Variants in MBD5 observed in about 807,000 individuals in gnomAD.
MBD5 encodes the protein methyl-CpG binding domain protein 5.
A neutral mutation model predicts 117.3 loss-of-function variants in MBD5; 13 were observed. That is an observed-to-expected ratio of 0.11 (90% CI 0.07 to 0.18). MBD5 has a LOEUF of 0.18. Ranked by LOEUF, MBD5 falls within the 10% of genes least tolerant of loss-of-function variation. MBD5 has a pLI of 1.00. For missense variants in MBD5, 1,879 were observed against 2,093.8 expected, an observed-to-expected ratio of 0.90 and a Z score of 2.00; for synonymous variants, 727 against 766.4, an observed-to-expected ratio of 0.95 and a Z score of 0.85.
chr2:148,482,941 TCCCA>T (rs1172791014), intron 8 of MBD5, among the ~76,000 whole-genome samples, 165 bp from the exon 9 acceptor site: 4 of 152,170 alleles, frequency 2.6e-5, no homozygotes, highest in African/African-American at 9.7e-5. Flanking sequence ...TAAACTTAAG[TCCCA>T]TTAACAGATG....
intron 5 of MBD5, 48 bp downstream of exon 5, chr2:148,458,919 GACTAAGGAGAGA>G: frequency 6.9e-7 from 1 of 1,449,172 alleles, no homozygotes; most frequent in South Asian, 1.1e-5. Flanking sequence ...GTACTCCAAA[GACTAAGGAGAGA>G]ACCAAGCATG....
chr2:148,239,017 T>TACAC (rs200414694), intron 3 of MBD5, among the ~76,000 whole-genome samples: 6 of 96,608 alleles, frequency 6.2e-5, no homozygotes, highest in South Asian at 3.3e-4. Context: ...ATATATATTA[T>TACAC]ATACACACAC....
At chr2:148,252,556 C>T (rs1408352560) in intron 3 of MBD5, among the ~76,000 whole-genome samples, 1 of 152,128 alleles carries the variant, frequency 6.6e-6, no homozygotes, top group African/African-American at 2.4e-5. Context: ...TGGAAAACCT[C>T]TGCAAGTTAG....
chr2:148,358,555 G>C (rs2105286233), intron 4 of MBD5, among the ~76,000 whole-genome samples: 1 of 148,604 alleles, frequency 6.7e-6, no homozygotes, highest in South Asian at 2.1e-4. Flanking sequence ...AAGGCAAGTG[G>C]ATCACTTGAG....
chr2:148,468,610 A>T lies in MBD5; in HGVS notation c.667A>T (p.Ser223Cys). ...CCGTGGCAGCCATGGAGGCCTGCCC[A>T]GCCCAGCGTCATCAGGTTCCCAGAT... is the stretch of plus-strand genomic sequence containing the variant. ...PFRGSHGGLPSPASSGSQIYG... is the reference protein window; with the variant it reads ...PFRGSHGGLPCPASSGSQIYG... The change falls in exon 8 of 14, where the codon AGC (serine) becomes TGC (cysteine). Residue 223 changes from serine (S) to cysteine (C), a missense_variant. By Grantham distance (112) the Ser-to-Cys change is moderately radical. Transcript: ENST00000642680. 1 of 1,613,942 alleles carries T rather than the reference A, an allele frequency of 6.2e-7. No individual in the cohort carries two copies. Among genetic ancestry groups the T allele is most frequent in the Non-Finnish European group, 8.5e-7 (1 of 1,179,892 alleles).
chr2:148,341,536 T>C (rs948661103), intron 3 of MBD5, among the ~76,000 whole-genome samples: 1 of 152,090 alleles, frequency 6.6e-6, no homozygotes, highest in Non-Finnish European at 1.5e-5. Flanking sequence ...GTATATATTT[T>C]ATACTACATT....
At chr2:148,321,942 G>A (rs1395877957) in intron 3 of MBD5, among the ~76,000 whole-genome samples, 1 of 151,986 alleles carries the variant, frequency 6.6e-6, no homozygotes, top group Non-Finnish European at 1.5e-5. Context: ...GCTCTCCAAT[G>A]GGAATTAAAC....
chr2:148,396,547 T>C (rs974120270), intron 4 of MBD5, among the ~76,000 whole-genome samples: 1 of 152,222 alleles, frequency 6.6e-6, no homozygotes, highest in Non-Finnish European at 1.5e-5. Flanking sequence ...TCTCCACTTT[T>C]GTAGATCCGA....
intron 1 of MBD5, chr2:148,071,478 A>C (rs753049856): frequency 1.3e-5 from 2 of 152,074 alleles, no homozygotes; most frequent in Non-Finnish European, 2.9e-5. Flanking sequence ...CCCATTTTTG[A>C]GATGAGAAAA....
At chr2:148,494,699 C>T (rs71413620) in intron 11 of MBD5, among the ~76,000 whole-genome samples, 6,005 of 152,244 alleles carry the variant, frequency 0.039, 151 homozygotes, top group African/African-American at 0.06. Flanking sequence ...CGGTGGCTCA[C>T]GCCTGTAATC....
intron 2 of MBD5, among the ~76,000 whole-genome samples, chr2:148,184,778 T>C (rs1698612459): frequency 6.6e-6 from 1 of 152,176 alleles, no homozygotes; most frequent in South Asian, 2.1e-4. Flanking sequence ...GAGACTAGTA[T>C]CCAGTCTGGC....
At chr2:148,038,195 C>T (rs1011552611) in intron 1 of MBD5, among the ~76,000 whole-genome samples, 3 of 151,982 alleles carry the variant, frequency 2.0e-5, no homozygotes, top group African/African-American at 7.2e-5. Context: ...CTAGAAAGTT[C>T]AACCAGACAC....
intron 4 of MBD5, among the ~76,000 whole-genome samples, chr2:148,389,271 TA>T (rs1704486450): frequency 1.3e-5 from 1 of 76,100 alleles, no homozygotes; most frequent in Admixed American, 1.4e-4. Context: ...TATATATATA[TA>T]TATATATATA....
chr2:148,486,034 A>G, intron 10 of MBD5, 84 bp downstream of exon 10: 2 of 1,354,096 alleles, frequency 1.5e-6, no homozygotes, highest in Non-Finnish European at 2.1e-6. Flanking sequence ...GGGTGAAAAA[A>G]GTAGGTTACG....
chr2:148,226,501 C>A (rs1699824576), intron 2 of MBD5, among the ~76,000 whole-genome samples: 1 of 152,158 alleles, frequency 6.6e-6, no homozygotes. Flanking sequence ...TTTTCTTAAT[C>A]CAGTCTACCA....
chr2:148,377,304 C>G (rs980603456), intron 4 of MBD5, among the ~76,000 whole-genome samples: 16 of 152,256 alleles, frequency 1.1e-4, no homozygotes, highest in Non-Finnish European at 1.8e-4. Flanking sequence ...ATGCTGGCAG[C>G]TGATTAGATG....
intron 3 of MBD5, among the ~76,000 whole-genome samples, chr2:148,254,858 A>G (rs1321285491): frequency 6.6e-6 from 1 of 152,176 alleles, no homozygotes; most frequent in Non-Finnish European, 1.5e-5. Flanking sequence ...CCCACGAGCC[A>G]GCCCCACCCA....
chr2:148,341,365 AT>A (rs1702942548), intron 3 of MBD5, among the ~76,000 whole-genome samples: 1 of 150,040 alleles, frequency 6.7e-6, no homozygotes. Context: ...TCTTTTTGAG[AT>A]TTTTAAGCAT....
chr2:148,051,434 C>A (rs559423945), intron 1 of MBD5, among the ~76,000 whole-genome samples: 1 of 150,922 alleles, frequency 6.6e-6, no homozygotes, highest in East Asian at 1.9e-4. Context: ...CCCAGTTTCC[C>A]TGGCTGGAAT....
Sources: allele counts gnomAD v4.1 joint callset (sites outside exome capture counted in the v4.1 genomes callset), GRCh38; gene constraint gnomAD v4.1.1; transcripts MANE v1.5; gene names NCBI Gene and HGNC (gene_info 2026-07-23, HGNC 2026-07-21).